SMARCD3: variants seen among roughly 807,000 people sequenced by gnomAD.
SMARCD3 encodes SWI/SNF-related matrix-associated actin-dependent regulator of chromatin subfamily D member 3.
In SMARCD3, 14 loss-of-function variants were observed where a neutral mutation model predicts 58.0. That is an observed-to-expected ratio of 0.24 (90% CI 0.16 to 0.38). The LOEUF (loss-of-function observed/expected upper bound fraction) is 0.38, where lower values mean the gene tolerates loss of function less well. Among genes scored for constraint, SMARCD3 ranks in the 10% least tolerant of loss-of-function variants. The pLI is 1.00. For missense variants in SMARCD3, 408 were observed against 636.9 expected, an observed-to-expected ratio of 0.64 and a Z score of 3.87; for synonymous variants, 253 against 253.8, an observed-to-expected ratio of 1.00 and a Z score of 0.03.
In SMARCD3 at chr7:151,243,612, A is replaced by T; in HGVS notation, c.333+47T>A. On this transcript the variant is annotated intron_variant, in intron 3 of 12. Coordinates refer to ENST00000262188, the MANE Select transcript of SMARCD3 (RefSeq NM_001003801.2). This position sits in a 1 kb window ranked among gnomAD's most constrained non-coding sequence, Gnocchi z 4.4. ...CTGAGGGGGGAGGGGAGGGCGGAGC[A>T]GCAAAGGGTGGGGGGTGGGCTGGGG... The T allele has an allele frequency of 1.0e-6, 1 of 959,730 alleles. No individual in the cohort carries two copies. Among genetic ancestry groups the T allele is most frequent in the Non-Finnish European group, 1.6e-6 (1 of 607,396 alleles). 59.5% of individuals were successfully genotyped at this position (959,730 alleles called of 1,614,324 possible).
At chr7:151,273,694 G>A (rs988537869) in intron 2 of SMARCD3, among the ~76,000 whole-genome samples, 1 of 152,248 alleles carries the variant, frequency 6.6e-6, no homozygotes, top group Non-Finnish European at 1.5e-5. Context: ...CTTTCCTGCA[G>A]GTGGACTGGG....
At chr7:151,252,454 A>AGAGC (rs946859546), upstream of SMARCD3, among the ~76,000 whole-genome samples, 24 of 150,790 alleles carry the variant, frequency 1.6e-4, no homozygotes, top group African/African-American at 5.1e-4. Context: ...AGAGAGAGAG[A>AGAGC]GCGAGAGAAC....
chr7:151,240,459 G>T lies in SMARCD3; in HGVS notation c.1003C>A (p.Pro335Thr). ...IPQRLTALLL[P>T]PDPIVINHVI... ...TGGTTGATGACAATTGGGTCAGGGG[G>T]CAATAGCAGGGCTGTGAGGCGCTGG... The change falls in exon 9 of 13, where the codon CCC becomes ACC. Residue 335 changes from proline (P) to threonine (T), a missense_variant. Pro to Thr is a conservative substitution (Grantham distance 38). This residue lies in a region of SMARCD3 where 115 missense variants were observed against 257.2 expected (regional missense o/e 0.45). Transcript: ENST00000262188. 2 of 1,613,874 alleles carry T rather than the reference G, an allele frequency of 1.2e-6. No individual in the cohort carries two copies. Among genetic ancestry groups the T allele is most frequent in the Non-Finnish European group, 1.7e-6 (2 of 1,179,934 alleles).
At position 151,245,859 on chromosome 7, in the gene SMARCD3, C is replaced by T. The variant is rs1366056269; in HGVS notation, c.79-188G>A. ...GGCGCCGGAATCTGCGCGGCTCTGG[C>T]GGAGGGGCTTGGCGTCTGGCTGCAG... On this transcript the variant is annotated intron_variant, in intron 1 of 12. Coordinates refer to ENST00000262188, the MANE Select transcript of SMARCD3 (RefSeq NM_001003801.2). The surrounding 1 kb of genome is among the most constrained non-coding windows in gnomAD (Gnocchi z 6.2). 2.6e-6 allele frequency: 1 copy of T among 381,586 alleles called. No individual in the cohort carries two copies. The highest frequency in any genetic ancestry group is 4.6e-6 in the Non-Finnish European group (1 of 215,274). The allele number at this position is 381,586 out of a possible 1,614,324, so 23.6% of individuals were successfully genotyped here.
intron 2 of SMARCD3, among the ~76,000 whole-genome samples, chr7:151,267,812 C>T (rs569395374): frequency 8.6e-5 from 13 of 152,046 alleles, no homozygotes; most frequent in South Asian, 4.1e-4. Context: ...CTCCTCTCTA[C>T]GAAAATTTAA....
upstream of SMARCD3, among the ~76,000 whole-genome samples, chr7:151,251,808 G>A (rs1803521746): frequency 6.6e-6 from 1 of 151,334 alleles, no homozygotes; most frequent in South Asian, 2.1e-4. Context: ...ATGGCAAAGC[G>A]CCGCTCCCCG....
chr7:151,253,176 C>T (rs546911409), upstream of SMARCD3, among the ~76,000 whole-genome samples: 8 of 152,164 alleles, frequency 5.3e-5, no homozygotes, highest in South Asian at 4.1e-4. Flanking sequence ...AGCAGAGCGA[C>T]GGAGCTGTGC....
chr7:151,259,009 T>A (rs1803807457), intron 2 of SMARCD3, among the ~76,000 whole-genome samples: 1 of 152,130 alleles, frequency 6.6e-6, no homozygotes, highest in East Asian at 1.9e-4. Flanking sequence ...CCCTTCTATA[T>A]CATCTACTCC....
Position 151,241,088 on chromosome 7 carries a change from G to A in SMARCD3, c.939+404C>T, listed in dbSNP as rs952923529. ...CAATTTGATTTTCCTAACTGCCCAG[G>A]AGAGTAGATAGGACAGGTATTGTCA... On this transcript the variant is annotated intron_variant, in intron 8 of 12. Coordinates refer to ENST00000262188, the MANE Select transcript of SMARCD3 (RefSeq NM_001003801.2). This position sits in a 1 kb window ranked among gnomAD's most constrained non-coding sequence, Gnocchi z 5.3. 1 of 270,410 alleles carries A rather than the reference G, an allele frequency of 3.7e-6. No homozygotes were observed. Among genetic ancestry groups the A allele is most frequent in the Non-Finnish European group, 7.2e-6 (1 of 138,660 alleles). The allele number at this position is 270,410 out of a possible 1,614,324, so 16.8% of individuals were successfully genotyped here. A position where few individuals can be genotyped will look rare whatever the true frequency, so the allele number is the denominator to read the frequency against.
In SMARCD3 at chr7:151,273,334, G is replaced by C. The variant is rs545426526; in HGVS notation, c.39+1780C>G. ...CATCCTGCAGTGACCCTTCAGGAAA[G>C]GTCTGGAACAGCCCAAGGCTCCCTC... On this transcript the variant is annotated intron_variant, in intron 2 of 13. Transcript: ENST00000356800. 2.6e-5 allele frequency among the ~76,000 whole-genome samples: 4 copies of C among 152,274 alleles called. No homozygotes were observed. In the East Asian group the frequency reaches 7.7e-4, roughly 29 times the overall value.
chr7:151,264,038 G>T (rs1380046530), intron 2 of SMARCD3, among the ~76,000 whole-genome samples: 1 of 151,292 alleles, frequency 6.6e-6, no homozygotes, highest in Non-Finnish European at 1.5e-5. Context: ...GGGTCTGAAG[G>T]TCAGGTTCCT....
chr7:151,252,569 A>T (rs1261958614), upstream of SMARCD3, among the ~76,000 whole-genome samples: 1 of 152,152 alleles, frequency 6.6e-6, no homozygotes, highest in Non-Finnish European at 1.5e-5. Flanking sequence ...GGCCATCTCT[A>T]AACCAGGCCC....
At position 151,241,697 on chromosome 7, in the gene SMARCD3, G is replaced by A; in HGVS notation, c.778-44C>T. ...GAAAGTTAGACCAAAGGGAGAGAAA[G>A]GAAGGAGCCCAGGGCCAGGCCATTC... On this transcript the variant is annotated intron_variant, in intron 7 of 12. Transcript: ENST00000262188. The surrounding 1 kb of genome is among the most constrained non-coding windows in gnomAD (Gnocchi z 5.3). 2 of 1,576,056 alleles carry A rather than the reference G, an allele frequency of 1.3e-6. No individual in the cohort carries two copies. The highest frequency in any genetic ancestry group is 8.7e-7 in the Non-Finnish European group (1 of 1,154,228).
At chr7:151,247,954 G>A (rs1803352112) in intron 1 of SMARCD3, among the ~76,000 whole-genome samples, 1 of 152,114 alleles carries the variant, frequency 6.6e-6, no homozygotes, top group African/African-American at 2.4e-5. Flanking sequence ...CCCACCCTAA[G>A]GCAGAAGCTC....
rs183565857 is a variant in SMARCD3, at chr7:151,254,825, G to T, written c.40-9154C>A. Among the ~76,000 whole-genome samples the T allele has an allele frequency of 1.8e-3, 267 of 152,352 alleles. 2 individuals are homozygous for T. The highest frequency in any genetic ancestry group is 6.8e-3 in the Middle Eastern group (2 of 294). ...CGGGCCTCAGCTACTGCTCTGAACAGGTGTTTAGGGGGATTCCTGCCAATC... is the reference window on the plus strand; with the variant it reads ...CGGGCCTCAGCTACTGCTCTGAACATGTGTTTAGGGGGATTCCTGCCAATC... On this transcript the variant is annotated intron_variant, in intron 2 of 13. Coordinates refer to the SMARCD3 transcript ENST00000356800.
At chr7:151,249,756 G>A (rs1040345055), upstream of SMARCD3, among the ~76,000 whole-genome samples, 2 of 151,586 alleles carry the variant, frequency 1.3e-5, no homozygotes, top group Admixed American at 6.6e-5. This position sits in a 1 kb window ranked among gnomAD's most constrained non-coding sequence, Gnocchi z 4.8. Flanking sequence ...GGGGTCTTGA[G>A]GCTGGGGTGT....
In SMARCD3 at chr7:151,239,566, C is replaced by T. The variant is rs1802847119; in HGVS notation, c.1296+58G>A. On this transcript the variant is annotated intron_variant, in intron 11 of 12. Transcript: ENST00000262188. This position sits in a 1 kb window ranked among gnomAD's most constrained non-coding sequence, Gnocchi z 7.0. ...ACCTGCCCCTGGAGTACAACGTTTA[C>T]TCTCTTTCCCGCTGTGCTTGTCTTC... The T allele has an allele frequency of 6.2e-7, 1 of 1,612,600 alleles. No individual in the cohort carries two copies. The highest frequency in any genetic ancestry group is 1.7e-5 in the Admixed American group (1 of 60,002).
chr7:151,245,526 GGGGGC>G lies in SMARCD3; in HGVS notation c.219_223del (p.Pro74AlafsTer30). On this transcript the variant is annotated frameshift_variant, in exon 2 of 13. Coordinates refer to ENST00000262188, the MANE Select transcript of SMARCD3 (RefSeq NM_001003801.2). LOFTEE classifies it high-confidence loss of function. This position sits in a 1 kb window ranked among gnomAD's most constrained non-coding sequence, Gnocchi z 6.2. Reference sequence around the variant, plus strand: ...GCTCTGTGCCTGGCTCTGCCCGGGCGGGGGCGCTGCTCGCTTGCGGGCGGGCTCCA... The same window carrying G: ...GCTCTGTGCCTGGCTCTGCCCGGGCGGCTGCTCGCTTGCGGGCGGGCTCCA... 1 of 1,220,856 alleles carries G rather than the reference GGGGGC, an allele frequency of 8.2e-7. No individual in the cohort carries two copies. The highest frequency in any genetic ancestry group is 1.0e-6 in the Non-Finnish European group (1 of 979,676). 75.6% of individuals were successfully genotyped at this position (1,220,856 alleles called of 1,614,324 possible).
chr7:151,239,307 G>A lies in SMARCD3; in HGVS notation c.1398+89C>T. 7.6e-7 allele frequency: 1 copy of A among 1,324,296 alleles called. No homozygotes were observed. Among genetic ancestry groups the A allele is most frequent in the Non-Finnish European group, 1.1e-6 (1 of 918,880 alleles). 82.0% of individuals were successfully genotyped at this position (1,324,296 alleles called of 1,614,324 possible). ...GCAGCGTGGTGAAGCTTTACTGTGG[G>A]GAGCTGCGAGGGCTGCCCACAAGCT... On this transcript the variant is annotated intron_variant, in intron 12 of 12. Coordinates refer to ENST00000262188, the MANE Select transcript of SMARCD3 (RefSeq NM_001003801.2). This position sits in a 1 kb window ranked among gnomAD's most constrained non-coding sequence, Gnocchi z 7.0.
Sources: allele counts gnomAD v4.1 joint callset (sites outside exome capture counted in the v4.1 genomes callset), GRCh38; gene constraint gnomAD v4.1.1; regional missense constraint gnomAD v4.1.1; non-coding constraint Gnocchi (gnomAD v3.1); transcripts MANE v1.5; gene names NCBI Gene and HGNC (gene_info 2026-07-23, HGNC 2026-07-21).